The following ADCY5 variants were observed in gnomAD, a reference collection of about 807,000 sequenced individuals.
The protein encoded by ADCY5 is adenylate cyclase 5, also known as adenylate cyclase type 5.
Under a neutral mutation model 119.7 loss-of-function variants are expected in ADCY5, and 30 were observed. That is an observed-to-expected ratio of 0.25 (90% CI 0.19 to 0.34). The LOEUF (loss-of-function observed/expected upper bound fraction) is 0.34, where lower values mean the gene tolerates loss of function less well. Ranked by LOEUF, ADCY5 falls within the 10% of genes least tolerant of loss-of-function variation. ADCY5 has a pLI of 1.00. For synonymous variants in ADCY5, 753 were observed against 762.2 expected (o/e 0.99, Z 0.20); for missense variants, 1,324 against 1,775.2 (o/e 0.75, Z 4.57).
chr3:123,311,819 G>T (rs1054773957), intron 12 of ADCY5, among the ~76,000 whole-genome samples: 5 of 152,158 alleles, frequency 3.3e-5, no homozygotes, highest in African/African-American at 7.2e-5. Flanking sequence ...TGGCCTGGGG[G>T]TAGAGGGCGG....
At chr3:123,313,385 G>C (rs1940698632) in intron 12 of ADCY5, among the ~76,000 whole-genome samples, 1 of 152,206 alleles carries the variant, frequency 6.6e-6, no homozygotes, top group South Asian at 2.1e-4. Flanking sequence ...GCTTCCAGGG[G>C]GCCCCACCGC....
chr3:123,445,042 A>G (rs1282002414), intron 1 of ADCY5, among the ~76,000 whole-genome samples: 15 of 152,240 alleles, frequency 9.9e-5, no homozygotes, highest in Admixed American at 9.8e-4. Flanking sequence ...TACAAACAAA[A>G]AAAGATACAG....
At chr3:123,358,155 C>CGTGTGT (rs6148049) in intron 1 of ADCY5, among the ~76,000 whole-genome samples, 10,268 of 140,746 alleles carry the variant, frequency 0.073, 455 homozygotes, top group Non-Finnish European at 0.096. Context: ...ACATGGAACA[C>CGTGTGT]GTGTGTGTGT....
At chr3:123,393,148 AGAGCCCGGGGTC>A (rs1309277308) in intron 1 of ADCY5, among the ~76,000 whole-genome samples, 1 of 152,176 alleles carries the variant, frequency 6.6e-6, no homozygotes, top group Non-Finnish European at 1.5e-5. Context: ...GTGATACAAA[AGAGCCCGGGGTC>A]GAGAGTGAGG....
At chr3:123,351,890 C>T (rs1311809135) in intron 2 of ADCY5, among the ~76,000 whole-genome samples, 10 of 152,192 alleles carry the variant, frequency 6.6e-5, no homozygotes, top group Admixed American at 3.3e-4. Flanking sequence ...CCCAGGCAGT[C>T]GGTCTAGGAA....
At chr3:123,315,687 C>T (rs1053070793) in intron 11 of ADCY5, among the ~76,000 whole-genome samples, 2 of 152,114 alleles carry the variant, frequency 1.3e-5, no homozygotes, top group African/African-American at 4.8e-5. Flanking sequence ...GTGATTCTCC[C>T]GCCTCAGCTT....
intron 14 of ADCY5, 103 bp from the exon 15 acceptor site, chr3:123,300,398 C>G: frequency 7.6e-7 from 1 of 1,310,396 alleles, no homozygotes; most frequent in Non-Finnish European, 1.0e-6. Flanking sequence ...GAGGCCTGGG[C>G]TGGGCATGTT....
At chr3:123,311,869 G>C (rs1940605681) in intron 12 of ADCY5, among the ~76,000 whole-genome samples, 1 of 151,706 alleles carries the variant, frequency 6.6e-6, no homozygotes, top group African/African-American at 2.4e-5. Flanking sequence ...CAAGGAAACA[G>C]GCCTCTGCAG....
intron 1 of ADCY5, among the ~76,000 whole-genome samples, chr3:123,402,523 C>T (rs894463483): frequency 6.6e-6 from 1 of 152,212 alleles, no homozygotes; most frequent in South Asian, 2.1e-4. Context: ...CAAGGAAGAG[C>T]AGCTCATAGG....
In ADCY5 at chr3:123,447,649, G is replaced by C; in HGVS notation, c.897C>G (p.Gly299=). Reference sequence around the variant, plus strand: ...CGGCGATGAGCGCATAGCAGGCCAGGCCCATGTGGTCCTGGTGGAAGGCGG... The same window carrying C: ...CGGCGATGAGCGCATAGCAGGCCAGCCCCATGTGGTCCTGGTGGAAGGCGG... The part of the protein sequence containing the change: ...NRAAFHQDHM[G]LACYALIAVV... The change falls in exon 1 of 21, where the codon GGC becomes GGG. Residue 299 remains glycine (G), a synonymous_variant. Transcript: ENST00000462833. The C allele has an allele frequency of 1.2e-6, 2 of 1,608,484 alleles. No homozygotes were observed. The highest frequency in any genetic ancestry group is 1.7e-6 in the Non-Finnish European group (2 of 1,177,798).
chr3:123,396,914 C>T (rs1944614417), intron 1 of ADCY5, among the ~76,000 whole-genome samples: 1 of 151,988 alleles, frequency 6.6e-6, no homozygotes, highest in Admixed American at 6.5e-5. Context: ...GCATGCACGC[C>T]TGCGGGCACT....
chr3:123,429,694 G>C (rs1299070656), intron 1 of ADCY5, among the ~76,000 whole-genome samples: 1 of 152,208 alleles, frequency 6.6e-6, no homozygotes, highest in East Asian at 1.9e-4. Flanking sequence ...AGAGGGCAGG[G>C]GGCAGGTGTA....
In ADCY5 at chr3:123,447,848, T is replaced by C; in HGVS notation, c.698A>G (p.Tyr233Cys). The change falls in exon 1 of 21, where the codon TAC (tyrosine) becomes TGC (cysteine). Residue 233 changes from tyrosine (Y) to cysteine (C), a missense_variant. Tyr to Cys is a radical substitution (Grantham distance 194, BLOSUM62 -2). Coordinates refer to ENST00000462833, the MANE Select transcript of ADCY5 (RefSeq NM_183357.3). ...GCTGCTCTGGTTCAGGCGGAAGAAG[T>C]AGCGCTGGTACAGCCGCTCCAGTTT... Reference protein sequence around the residue: ...SDKLERLYQRYFFRLNQSSLT... With the variant: ...SDKLERLYQRCFFRLNQSSLT... 6.2e-7 allele frequency: 1 copy of C among 1,612,664 alleles called. No individual in the cohort carries two copies. Among genetic ancestry groups the C allele is most frequent in the Non-Finnish European group, 8.5e-7 (1 of 1,179,710 alleles).
intron 1 of ADCY5, among the ~76,000 whole-genome samples, chr3:123,399,081 C>G (rs1944683538): frequency 6.6e-6 from 1 of 152,210 alleles, no homozygotes; most frequent in Non-Finnish European, 1.5e-5. Context: ...ACTGGCTTCT[C>G]TAAGGGTTCC....
At chr3:123,416,003 T>C (rs1407619895) in intron 1 of ADCY5, among the ~76,000 whole-genome samples, 1 of 152,206 alleles carries the variant, frequency 6.6e-6, no homozygotes. Context: ...CGGTAGTTCA[T>C]TATTTTTTCT....
chr3:123,443,352 A>G (rs1945755549), intron 1 of ADCY5, among the ~76,000 whole-genome samples: 1 of 152,198 alleles, frequency 6.6e-6, no homozygotes, highest in African/African-American at 2.4e-5. Context: ...GCCAACTACC[A>G]GCCAAGAATA....
Position 123,373,199 on chromosome 3 carries a change from ACTGGTGTGTCCCAATCACAGCCATTTC to A in ADCY5, c.1135-20645_1135-20619del, listed in dbSNP as rs1943695628. Among the ~76,000 whole-genome samples the A allele has an allele frequency of 2.0e-5, 3 of 152,336 alleles. No homozygotes were observed. The South Asian group carries it at 6.2e-4, about 32-fold the overall frequency. On this transcript the variant is annotated intron_variant, in intron 1 of 20. Transcript: ENST00000462833. ...ACAGGGGCACACAAATCAAGTAATG[ACTGGTGTGTCCCAATCACAGCCATTTC>A]CAGGCAGCTGGTATGTACATGAGGA...
intron 1 of ADCY5, among the ~76,000 whole-genome samples, chr3:123,423,462 C>T (rs530977043): frequency 3.3e-5 from 5 of 152,282 alleles, no homozygotes; most frequent in East Asian, 1.9e-4. Context: ...CTTTAGGCGC[C>T]GAGGACTGGG....
At chr3:123,387,434 T>C (rs1298269541) in intron 1 of ADCY5, among the ~76,000 whole-genome samples, 2 of 152,168 alleles carry the variant, frequency 1.3e-5, no homozygotes, top group Admixed American at 6.5e-5. Flanking sequence ...GCCAAATCCA[T>C]TGACTTGGGA....
Sources: gnomAD v4.1 joint callset for allele counts (sites outside exome capture counted in the v4.1 genomes callset) on GRCh38, gnomAD v4.1.1 for gene constraint, MANE v1.5 for transcripts, NCBI Gene and HGNC (gene_info 2026-07-23, HGNC 2026-07-21) for gene names.